TCF4: variants seen among roughly 807,000 people sequenced by gnomAD.
TCF4 encodes SL3-3 enhancer factor 2.
TCF4 carries 3 observed loss-of-function variants against 82.1 expected under a neutral mutation model. The ratio of observed to expected loss-of-function variants is 0.04; its 90% CI spans 0.02 to 0.09. The LOEUF (loss-of-function observed/expected upper bound fraction) is 0.09. Among genes scored for constraint, TCF4 ranks in the 10% least tolerant of loss-of-function variants. TCF4 has a pLI of 1.00. For missense variants in TCF4, 518 were observed against 852.7 expected, an observed-to-expected ratio of 0.61 and a Z score of 4.89; for synonymous variants, 276 against 309.6, an observed-to-expected ratio of 0.89 and a Z score of 1.14.
intron 2 of TCF4, among the ~76,000 whole-genome samples, chr18:55,628,845 G>A (rs909326303): frequency 3.3e-5 from 5 of 152,132 alleles, no homozygotes; most frequent in African/African-American, 1.2e-4. Flanking sequence ...GCTGACAAAC[G>A]GACATCACTA....
intron 5 of TCF4, among the ~76,000 whole-genome samples, chr18:55,419,068 C>T (rs200118217): frequency 6.6e-6 from 1 of 152,156 alleles, no homozygotes. Context: ...TAAAATAACA[C>T]CTGATCCGAG....
chr18:55,242,442 T>C (rs1490150862), intron 15 of TCF4, among the ~76,000 whole-genome samples: 4 of 152,216 alleles, frequency 2.6e-5, no homozygotes, highest in African/African-American at 9.6e-5. Flanking sequence ...TGTGAGACTA[T>C]GTCTGAAATT....
At chr18:55,598,025 T>C (rs1349624070) in intron 2 of TCF4, among the ~76,000 whole-genome samples, 1 of 152,142 alleles carries the variant, frequency 6.6e-6, no homozygotes, top group African/African-American at 2.4e-5. Context: ...TTCCCAGCCT[T>C]TACATGCTAA....
At chr18:55,551,726 A>G (rs1171489952) in intron 3 of TCF4, 1 of 152,160 alleles carries the variant, frequency 6.6e-6, no homozygotes, top group Non-Finnish European at 1.5e-5. Flanking sequence ...ATTTATTTCA[A>G]ATATGCTTCA....
intron 3 of TCF4, chr18:55,496,424 A>G (rs2096637048): frequency 6.6e-6 from 1 of 150,424 alleles, no homozygotes; most frequent in Admixed American, 6.6e-5. Context: ...AAAAAAAACC[A>G]GAAGAAAGAA....
At chr18:55,269,737 A>AT in intron 11 of TCF4, 94 bp downstream of exon 11, 1 of 1,506,174 alleles carries the variant, frequency 6.6e-7, no homozygotes, top group Non-Finnish European at 9.2e-7. Context: ...TTAGTGCCTA[A>AT]TTGCTATTCA....
intron 3 of TCF4, among the ~76,000 whole-genome samples, chr18:55,580,940 A>T (rs2097570023): frequency 6.6e-6 from 1 of 152,032 alleles, no homozygotes; most frequent in Non-Finnish European, 1.5e-5. Flanking sequence ...GTTAGGATTT[A>T]AAAAATACAA....
intron 15 of TCF4, among the ~76,000 whole-genome samples, 171 bp from the exon 16 acceptor site, chr18:55,234,854 A>T (rs1695351208): frequency 6.6e-6 from 1 of 152,142 alleles, no homozygotes; most frequent in Non-Finnish European, 1.5e-5. Flanking sequence ...CCCGGCGAAA[A>T]CACTTAACAC....
At chr18:55,396,995 TG>T (rs2093536932) in intron 6 of TCF4, among the ~76,000 whole-genome samples, 1 of 152,238 alleles carries the variant, frequency 6.6e-6, no homozygotes, top group Non-Finnish European at 1.5e-5. Flanking sequence ...TTGAAATAAC[TG>T]ATTCAGGCAA....
At chr18:55,285,238 T>C (rs2063434248) in intron 8 of TCF4, among the ~76,000 whole-genome samples, 1 of 152,242 alleles carries the variant, frequency 6.6e-6, no homozygotes, top group Non-Finnish European at 1.5e-5. Context: ...CTCTGGAGTC[T>C]GACCAATTAG....
chr18:55,621,932 CTATA>C (rs1205999570), intron 2 of TCF4, among the ~76,000 whole-genome samples: 6 of 10,972 alleles, frequency 5.5e-4, no homozygotes, highest in African/African-American at 1.1e-3. Flanking sequence ...ACACTATATA[CTATA>C]TATACACTAT....
chr18:55,414,388 A>C (rs1479880468), intron 5 of TCF4, among the ~76,000 whole-genome samples: 1 of 152,150 alleles, frequency 6.6e-6, no homozygotes, highest in East Asian at 1.9e-4. Context: ...TGATCACTCC[A>C]CGGTTGGTTT....
At chr18:55,449,863 G>T (rs983143729) in intron 5 of TCF4, among the ~76,000 whole-genome samples, 1 of 151,910 alleles carries the variant, frequency 6.6e-6, no homozygotes, top group African/African-American at 2.4e-5. Flanking sequence ...CCACGAGGGG[G>T]TGGCATTTAA....
intron 3 of TCF4, among the ~76,000 whole-genome samples, chr18:55,501,287 C>T (rs771892512): frequency 8.6e-5 from 13 of 151,578 alleles, no homozygotes; most frequent in Middle Eastern, 6.8e-3. Flanking sequence ...AAAGAATTTA[C>T]ATTAAACAAA....
At chr18:55,419,853 G>C (rs1359264287) in intron 5 of TCF4, among the ~76,000 whole-genome samples, 3 of 152,190 alleles carry the variant, frequency 2.0e-5, no homozygotes, top group Non-Finnish European at 4.4e-5. Flanking sequence ...CAGGAACACT[G>C]GCTTCGCTGC....
chr18:55,327,501 G>T (rs1215958915), intron 8 of TCF4, among the ~76,000 whole-genome samples: 2 of 152,040 alleles, frequency 1.3e-5, no homozygotes, highest in African/African-American at 4.8e-5. Flanking sequence ...AATTTTATTT[G>T]TGTCTTTTTT....
At chr18:55,241,021 G>A (rs2051035716) in intron 15 of TCF4, among the ~76,000 whole-genome samples, 1 of 152,156 alleles carries the variant, frequency 6.6e-6, no homozygotes, top group Non-Finnish European at 1.5e-5. Context: ...TGATTCTCCA[G>A]ATAATAAAGT....
In TCF4 at chr18:55,510,115, T is replaced by C. The variant is rs537760816; in HGVS notation, c.146-45978A>G. The stretch of plus-strand genomic sequence containing the variant: ...ACCAAGGCCAAGTCTCCCCCTGATG[T>C]TCTATGCAGCACCACTTACTGAGTA... On this transcript the variant is annotated intron_variant, in intron 3 of 19. Coordinates refer to ENST00000354452, the MANE Select transcript of TCF4 (RefSeq NM_001083962.2). Among the ~76,000 whole-genome samples the C allele has an allele frequency of 5.3e-5, 8 of 152,280 alleles. No individual in the cohort carries two copies. The East Asian group carries it at 1.5e-3, about 29-fold the overall frequency.
At chr18:55,286,614 T>C (rs2063750912) in intron 8 of TCF4, among the ~76,000 whole-genome samples, 2 of 152,220 alleles carry the variant, frequency 1.3e-5, no homozygotes, top group African/African-American at 4.8e-5. Context: ...AGTTGTGTAA[T>C]GCACTGTAAG....
Sources: gnomAD v4.1 joint callset for allele counts (sites outside exome capture counted in the v4.1 genomes callset) on GRCh38, gnomAD v4.1.1 for gene constraint, MANE v1.5 for transcripts, NCBI Gene and HGNC (gene_info 2026-07-23, HGNC 2026-07-21) for gene names.